The following DCDC1 variants were observed in gnomAD, a reference collection of about 807,000 sequenced individuals.
The protein encoded by DCDC1 is doublecortin domain containing 1, also known as doublecortin domain-containing protein 1.
Under a neutral mutation model 178.3 loss-of-function variants are expected in DCDC1, and 200 were observed. The ratio of observed to expected loss-of-function variants is 1.12; its 90% CI spans 1.00 to 1.26. The LOEUF (loss-of-function observed/expected upper bound fraction) is 1.26. Ranked by LOEUF, DCDC1 falls within the 50% of genes most tolerant of loss-of-function variation. The probability of loss-of-function intolerance (pLI) is 0.00; values close to 1 mark genes in which losing one functional copy is unlikely to be tolerated. For missense variants in DCDC1, 1,983 were observed against 1,749.2 expected (o/e 1.13, Z -2.38); for synonymous variants, 690 against 604.8 (o/e 1.14, Z -2.07).
chr11:31,335,819 A>C (rs1390531658), intron 1 of DCDC1, among the ~76,000 whole-genome samples: 1 of 152,216 alleles, frequency 6.6e-6, no homozygotes, highest in Non-Finnish European at 1.5e-5. Context: ...TGATTAAAAT[A>C]GCTACAAAAT....
chr11:31,089,555 T>C (rs185733376), intron 17 of DCDC1, among the ~76,000 whole-genome samples: 90 of 152,122 alleles, frequency 5.9e-4, no homozygotes, highest in African/African-American at 2.1e-3. Context: ...TCAGAGACTA[T>C]AAATACTCAG....
At chr11:30,968,586 T>C (rs1949577299) in intron 20 of DCDC1, among the ~76,000 whole-genome samples, 1 of 150,394 alleles carries the variant, frequency 6.6e-6, no homozygotes, top group Non-Finnish European at 1.5e-5. Flanking sequence ...TTAAACTTTA[T>C]CACTTATGTT....
intron 20 of DCDC1, among the ~76,000 whole-genome samples, chr11:31,040,576 C>A (rs986364078): frequency 3.7e-4 from 56 of 152,054 alleles, no homozygotes; most frequent in Admixed American, 3.7e-3. Context: ...TAACTGATAG[C>A]CATAAAAGGT....
intron 9 of DCDC1, among the ~76,000 whole-genome samples, chr11:31,221,517 G>A (rs1262086331): frequency 2.0e-5 from 3 of 152,012 alleles, no homozygotes; most frequent in Non-Finnish European, 4.4e-5. Context: ...TTGTCTCTCC[G>A]CCCCATCCAC....
intron 9 of DCDC1, among the ~76,000 whole-genome samples, chr11:31,190,152 C>T (rs540899405): frequency 6.6e-6 from 1 of 152,266 alleles, no homozygotes; most frequent in South Asian, 2.1e-4. Flanking sequence ...CATACTTTAC[C>T]TCACGAGTCA....
intron 13 of DCDC1, among the ~76,000 whole-genome samples, chr11:31,104,877 A>AT (rs1462505706): frequency 1.3e-5 from 2 of 152,022 alleles, no homozygotes; most frequent in African/African-American, 2.4e-5. Context: ...TCATTGTACT[A>AT]TTTTTTCAAA....
intron 9 of DCDC1, among the ~76,000 whole-genome samples, chr11:31,179,398 CA>C (rs1213447172): frequency 2.6e-5 from 4 of 152,142 alleles, no homozygotes; most frequent in African/African-American, 9.7e-5. Context: ...GCACTATTCA[CA>C]ACAGCCAAAA....
intron 9 of DCDC1, among the ~76,000 whole-genome samples, chr11:31,169,953 T>C (rs1967000622): frequency 6.6e-6 from 1 of 152,034 alleles, no homozygotes; most frequent in Non-Finnish European, 1.5e-5. Context: ...AGAAGGAAAA[T>C]GTGGGATGCA....
intron 20 of DCDC1, among the ~76,000 whole-genome samples, chr11:30,983,092 A>G (rs897158941): frequency 6.6e-6 from 1 of 152,214 alleles, no homozygotes; most frequent in Non-Finnish European, 1.5e-5. Flanking sequence ...TATAACAGGA[A>G]TAGATAAGAA....
intron 1 of DCDC1, among the ~76,000 whole-genome samples, chr11:31,348,016 A>C (rs759271306): frequency 6.6e-6 from 1 of 152,054 alleles, no homozygotes; most frequent in Non-Finnish European, 1.5e-5. Flanking sequence ...TAACCCATTT[A>C]TTTTGTCTTG....
chr11:31,161,306 G>A (rs1216367298), intron 9 of DCDC1, among the ~76,000 whole-genome samples: 1 of 152,138 alleles, frequency 6.6e-6, no homozygotes, highest in Non-Finnish European at 1.5e-5. Flanking sequence ...AGGAACAGCA[G>A]GGAGGAAAGT....
chr11:31,336,445 G>A (rs1950277439), intron 1 of DCDC1, among the ~76,000 whole-genome samples: 1 of 152,156 alleles, frequency 6.6e-6, no homozygotes, highest in African/African-American at 2.4e-5. Context: ...TGGAGGAGGT[G>A]GACACAACAC....
At chr11:31,097,246 C>A (rs930078510) in intron 15 of DCDC1, among the ~76,000 whole-genome samples, 1 of 152,148 alleles carries the variant, frequency 6.6e-6, no homozygotes, top group Non-Finnish European at 1.5e-5. Context: ...GAGTAGCCTT[C>A]AATATTCTTG....
intron 1 of DCDC1, among the ~76,000 whole-genome samples, chr11:31,338,308 G>A (rs528484475): frequency 6.6e-6 from 1 of 152,100 alleles, no homozygotes; most frequent in East Asian, 1.9e-4. Context: ...TTAGTTTATA[G>A]GTTACTAGAC....
chr11:31,068,106 A>T (rs1956355041), intron 18 of DCDC1, among the ~76,000 whole-genome samples: 1 of 152,134 alleles, frequency 6.6e-6, no homozygotes, highest in Non-Finnish European at 1.5e-5. Context: ...AAAGAAAAAG[A>T]AGAGAAAAGG....
intron 9 of DCDC1, among the ~76,000 whole-genome samples, chr11:31,151,889 T>A (rs1033606618): frequency 2.7e-5 from 4 of 147,886 alleles, no homozygotes; most frequent in Admixed American, 2.7e-4. Context: ...TAAGTTTTAG[T>A]GATCTATTGC....
intron 20 of DCDC1, among the ~76,000 whole-genome samples, chr11:30,974,609 A>T (rs1950000833): frequency 6.6e-6 from 1 of 152,132 alleles, no homozygotes; most frequent in Non-Finnish European, 1.5e-5. Context: ...TGGAAAACCT[A>T]GAGGGAATGG....
intron 10 of DCDC1, among the ~76,000 whole-genome samples, chr11:31,130,177 A>G (rs755217899): frequency 1.3e-5 from 2 of 152,024 alleles, no homozygotes; most frequent in Non-Finnish European, 2.9e-5. Flanking sequence ...ATCCAAGTCC[A>G]CTCATCAGAA....
intron 36 of DCDC1, among the ~76,000 whole-genome samples, chr11:30,892,586 A>G (rs1313464748): frequency 6.6e-6 from 1 of 152,164 alleles, no homozygotes; most frequent in Non-Finnish European, 1.5e-5. Flanking sequence ...TCTCTGCTGG[A>G]CAAGTTGCCT....
Sources: allele counts gnomAD v4.1 joint callset (sites outside exome capture counted in the v4.1 genomes callset), GRCh38; gene constraint gnomAD v4.1.1; transcripts MANE v1.5; gene names NCBI Gene and HGNC (gene_info 2026-07-23, HGNC 2026-07-21).